The following TPCN1 variants were observed in gnomAD, a reference collection of about 807,000 sequenced individuals.
The protein encoded by TPCN1 is two pore channel protein 1.
Under a neutral mutation model 108.8 loss-of-function variants are expected in TPCN1, and 52 were observed. The ratio of observed to expected loss-of-function variants is 0.48; its 90% CI spans 0.38 to 0.60. The LOEUF is 0.60. Among genes scored for constraint, TPCN1 ranks in the 20% least tolerant of loss-of-function variants. TPCN1 has a pLI of 0.00. For missense variants in TPCN1, 806 were observed against 1,072.8 expected (o/e 0.75, Z 3.47); for synonymous variants, 446 against 433.7 (o/e 1.03, Z -0.35).
At position 113,266,369 on chromosome 12, in the gene TPCN1, G is replaced by A. The variant is rs1955261865; in HGVS notation, c.414+13G>A. 6.2e-7 allele frequency: 1 copy of A among 1,602,968 alleles called. No individual in the cohort carries two copies. Among genetic ancestry groups the A allele is most frequent in the African/African-American group, 1.3e-5 (1 of 74,912 alleles). ...GCTTGGCATCTATGTGAGCGCACATGCTCCTCATACGGGGGGCTGGGAGCC... is the reference window on the plus strand; with the variant it reads ...GCTTGGCATCTATGTGAGCGCACATACTCCTCATACGGGGGGCTGGGAGCC... On this transcript the variant is annotated intron_variant, in intron 4 of 27. Coordinates refer to ENST00000335509, the MANE Select transcript of TPCN1 (RefSeq NM_017901.6). This position sits in a 1 kb window ranked among gnomAD's most constrained non-coding sequence, Gnocchi z 4.2.
intron 10 of TPCN1, among the ~76,000 whole-genome samples, chr12:113,275,577 C>CT (rs527980636): frequency 0.01 from 1,471 of 140,170 alleles, 14 homozygotes; most frequent in South Asian, 0.02. Context: ...AAAATATTTC[C>CT]TTTTTTTTTT....
intron 2 of TPCN1, 59 bp from the exon 3 acceptor site, chr12:113,260,309 G>T (rs1411457019): frequency 1.4e-6 from 2 of 1,448,124 alleles, no homozygotes; most frequent in South Asian, 1.5e-5. Flanking sequence ...TCTGCCAAAC[G>T]GTGTCTTTTT....
intron 2 of TPCN1, among the ~76,000 whole-genome samples, chr12:113,238,045 G>A (rs1953960518): frequency 6.6e-6 from 1 of 152,156 alleles, no homozygotes; most frequent in African/African-American, 2.4e-5. Context: ...ATCTTGGGTT[G>A]ATCAGGAAGT....
rs984401490 is a variant in TPCN1, at chr12:113,232,083, G to A, written c.112+5119G>A. ...GACCATGTGCCTTTTCTGAGTGAAG[G>A]AAGGATTGGGCTCGCGGGGGCTGGC... On this transcript the variant is annotated intron_variant, in intron 2 of 27. Coordinates refer to ENST00000335509, the MANE Select transcript of TPCN1 (RefSeq NM_017901.6). This position sits in a 1 kb window ranked among gnomAD's most constrained non-coding sequence, Gnocchi z 5.6. 1.3e-5 allele frequency among the ~76,000 whole-genome samples: 2 copies of A among 152,242 alleles called. No homozygotes were observed. Among genetic ancestry groups the A allele is most frequent in the African/African-American group, 2.4e-5 (1 of 41,460 alleles).
Position 113,272,729 on chromosome 12 carries a change from T to C in TPCN1, c.783+37T>C. The C allele has an allele frequency of 6.2e-7, 1 of 1,603,872 alleles. No homozygotes were observed. The highest frequency in any genetic ancestry group is 1.3e-5 in the African/African-American group (1 of 74,838). On this transcript the variant is annotated intron_variant, in intron 8 of 27. Coordinates refer to ENST00000335509, the MANE Select transcript of TPCN1 (RefSeq NM_017901.6). This position sits in a 1 kb window ranked among gnomAD's most constrained non-coding sequence, Gnocchi z 4.1. The stretch of plus-strand genomic sequence containing the variant: ...GCACATTTGTCCGTCTCTTCTTTTA[T>C]GGAGGGCTTTTCCCTCAGACAGGGT...
chr12:113,291,789 C>T, intron 24 of TPCN1, 85 bp from the exon 25 acceptor site: 1 of 1,566,846 alleles, frequency 6.4e-7, no homozygotes, highest in Non-Finnish European at 8.8e-7. Flanking sequence ...TCTGGCCGGA[C>T]TCTGTTGGGC....
At chr12:113,226,470 TG>T (rs1953474072) in intron 1 of TPCN1, among the ~76,000 whole-genome samples, 1 of 151,970 alleles carries the variant, frequency 6.6e-6, no homozygotes, top group Admixed American at 6.6e-5. Flanking sequence ...TTAGTAGAGA[TG>T]GGGTTTTGCT....
Position 113,298,316 on chromosome 12 carries a change from A to G in TPCN1, c.*2240A>G, listed in dbSNP as rs12405. On this transcript the variant is annotated 3_prime_UTR_variant, in exon 28 of 28. Coordinates refer to ENST00000335509, the MANE Select transcript of TPCN1 (RefSeq NM_017901.6). Reference sequence around the variant, plus strand: ...TGTGATCTAGCTCAGATGCCCTCTCATCCTTGATGTCATAGTTGAGTGCAC... The same window carrying G: ...TGTGATCTAGCTCAGATGCCCTCTCGTCCTTGATGTCATAGTTGAGTGCAC... 33,881 of 152,210 alleles carry G rather than the reference A, an allele frequency of 0.22. 4,259 individuals are homozygous for G. The highest frequency in any genetic ancestry group is 0.33 in the African/African-American group (13,749 of 41,494). The allele number at this position is 152,210 out of a possible 1,614,324, so 9.4% of individuals were successfully genotyped here.
chr12:113,226,781 G>A lies in TPCN1; in HGVS notation c.-72G>A. ...GCAGCACCCCTGGCCCAGTGGCTTT[G>A]AAAGGGAGCTCAAACCAGAGACTAT... On this transcript the variant is annotated 5_prime_UTR_variant, in exon 2 of 28. Coordinates refer to ENST00000335509, the MANE Select transcript of TPCN1 (RefSeq NM_017901.6). 2.5e-6 allele frequency: 4 copies of A among 1,605,406 alleles called. No homozygotes were observed. Among genetic ancestry groups the A allele is most frequent in the Non-Finnish European group, 3.4e-6 (4 of 1,175,696 alleles).
Position 113,290,377 on chromosome 12 carries a change from G to A in TPCN1, c.1912+134G>A, listed in dbSNP as rs930750293. On this transcript the variant is annotated intron_variant, in intron 22 of 27. Coordinates refer to ENST00000335509, the MANE Select transcript of TPCN1 (RefSeq NM_017901.6). Reference sequence around the variant, plus strand: ...TGGAAGCCTCCCTGGCCCAGGTGGAGGACTTGGTCTGCCCAGCTTTGGCAG... The same window carrying A: ...TGGAAGCCTCCCTGGCCCAGGTGGAAGACTTGGTCTGCCCAGCTTTGGCAG... The A allele has an allele frequency of 1.0e-5, 7 of 666,816 alleles. No individual in the cohort carries two copies. The African/African-American group carries it at 1.3e-4, about 12-fold the overall frequency. The allele number at this position is 666,816 out of a possible 1,614,324, so 41.3% of individuals were successfully genotyped here.
intron 2 of TPCN1, among the ~76,000 whole-genome samples, chr12:113,260,042 C>G (rs1954966897): frequency 1.3e-5 from 2 of 152,226 alleles, no homozygotes; most frequent in Non-Finnish European, 2.9e-5. Context: ...TCATTGACTT[C>G]TCATTTTTCC....
intron 1 of TPCN1, among the ~76,000 whole-genome samples, chr12:113,223,972 T>C (rs1459131793): frequency 6.6e-6 from 1 of 152,122 alleles, no homozygotes; most frequent in African/African-American, 2.4e-5. Context: ...AACTCCTATA[T>C]AAAAATGATA....
intron 2 of TPCN1, among the ~76,000 whole-genome samples, chr12:113,255,490 T>A (rs1221678630): frequency 6.6e-6 from 1 of 152,036 alleles, no homozygotes; most frequent in Non-Finnish European, 1.5e-5. Flanking sequence ...CAGCAGACTT[T>A]TTTTTTTAAG....
At chr12:113,290,921 C>T (rs762989449) in intron 22 of TPCN1, 31 bp from the exon 23 acceptor site, 1 of 1,612,128 alleles carries the variant, frequency 6.2e-7, no homozygotes, top group Admixed American at 1.7e-5. Flanking sequence ...GGGGTCTCAT[C>T]AGGATGCTTC....
rs1593168029 is a variant in TPCN1, at chr12:113,272,304, G to A, written c.749-354G>A. Among the ~76,000 whole-genome samples, 1 of 152,186 alleles carries A rather than the reference G, an allele frequency of 6.6e-6. No individual in the cohort carries two copies. The highest frequency in any genetic ancestry group is 2.4e-5 in the African/African-American group (1 of 41,446). ...TCATGTTCTCAGAACCTAAGATTGC[G>A]AAACAGCAGCCTGGATTCCAGATCC... is the stretch of plus-strand genomic sequence containing the variant. On this transcript the variant is annotated intron_variant, in intron 7 of 27. Transcript: ENST00000335509. The surrounding 1 kb of genome is among the most constrained non-coding windows in gnomAD (Gnocchi z 4.1).
At position 113,277,236 on chromosome 12, in the gene TPCN1, C is replaced by G. The variant is rs754176473; in HGVS notation, c.1060-4C>G. 6.2e-6 allele frequency: 10 copies of G among 1,612,522 alleles called. No homozygotes were observed. Among genetic ancestry groups the G allele is most frequent in the Non-Finnish European group, 8.5e-6 (10 of 1,179,252 alleles). On this transcript the variant is annotated splice_polypyrimidine_tract_variant and splice_region_variant and intron_variant, in intron 11 of 27. Transcript: ENST00000335509. ...GTTCCACACTGCTCTTCCCTCTCCC[C>G]CAGAGGCCTGCCGGCATCTCCTACA...
intron 2 of TPCN1, among the ~76,000 whole-genome samples, chr12:113,241,797 T>C (rs1222544846): frequency 2.1e-5 from 3 of 142,724 alleles, no homozygotes; most frequent in Non-Finnish European, 4.7e-5. Flanking sequence ...TGTGTGTGCG[T>C]GTGTGTGTAT....
At position 113,239,738 on chromosome 12, in the gene TPCN1, C is replaced by G. The variant is rs181886136; in HGVS notation, c.112+12774C>G. Among the ~76,000 whole-genome samples, 823 of 152,348 alleles carry G rather than the reference C, an allele frequency of 5.4e-3. 7 individuals carry two copies. The highest frequency in any genetic ancestry group is 0.018 in the African/African-American group (762 of 41,584). On this transcript the variant is annotated intron_variant, in intron 2 of 27. Coordinates refer to ENST00000335509, the MANE Select transcript of TPCN1 (RefSeq NM_017901.6). ...TCTCTGCTTCCAGCTTCGAACTCCC[C>G]AGGAGCCCACACATGTCCAATCCCA... is the stretch of plus-strand genomic sequence containing the variant.
intron 15 of TPCN1, among the ~76,000 whole-genome samples, chr12:113,280,881 G>A (rs1955864585): frequency 6.6e-6 from 1 of 152,122 alleles, no homozygotes; most frequent in Non-Finnish European, 1.5e-5. Context: ...CATTGCTTGG[G>A]TTGGTCATTG....
Sources: gnomAD v4.1 joint callset for allele counts (sites outside exome capture counted in the v4.1 genomes callset) on GRCh38, gnomAD v4.1.1 for gene constraint, Gnocchi (gnomAD v3.1) non-coding constraint, MANE v1.5 for transcripts, NCBI Gene and HGNC (gene_info 2026-07-23, HGNC 2026-07-21) for gene names.